The following CATSPERE variants were observed in gnomAD, a reference collection of about 807,000 sequenced individuals.
CATSPERE encodes the protein cation channel sperm-associated auxiliary subunit epsilon.
Under a neutral mutation model 114.1 loss-of-function variants are expected in CATSPERE, and 93 were observed. The observed-to-expected ratio is 0.81, with a 90% CI of 0.69 to 0.97. The LOEUF (loss-of-function observed/expected upper bound fraction) is 0.97. Ranked by LOEUF, CATSPERE falls within the 50% of genes least tolerant of loss-of-function variation. The pLI is 0.00. For missense variants in CATSPERE, 1,058 were observed against 1,131.6 expected, an observed-to-expected ratio of 0.93 and a Z score of 0.93; for synonymous variants, 341 against 384.1, an observed-to-expected ratio of 0.89 and a Z score of 1.31.
At chr1:244,489,030 A>G (rs996367745) in intron 5 of CATSPERE, among the ~76,000 whole-genome samples, 15 of 152,372 alleles carry the variant, frequency 9.8e-5, no homozygotes, top group Non-Finnish European at 2.1e-4. Flanking sequence ...ACTGACTTTT[A>G]GAGATGATAA....
At chr1:244,486,588 G>C (rs369371739) in intron 5 of CATSPERE, among the ~76,000 whole-genome samples, 43 of 101,804 alleles carry the variant, frequency 4.2e-4, no homozygotes, top group East Asian at 8.9e-4. Flanking sequence ...TAGTCACCTG[G>C]TGGGTGGTCC....
At chr1:244,453,886 G>C (rs993744592), upstream of CATSPERE, among the ~76,000 whole-genome samples, 1 of 152,086 alleles carries the variant, frequency 6.6e-6, no homozygotes, top group Non-Finnish European at 1.5e-5. Context: ...GCTCCTGGGG[G>C]GGTCTCATTT....
Position 244,552,610 on chromosome 1 carries a change from T to A in CATSPERE, c.825T>A (p.Pro275=). 1.2e-6 allele frequency: 2 copies of A among 1,614,170 alleles called. No individual in the cohort carries two copies. The highest frequency in any genetic ancestry group is 2.2e-5 in the South Asian group (2 of 91,084). Residue 275 remains proline, a synonymous_variant, in exon 9 of 22, where the codon CCT becomes CCA. Transcript: ENST00000366534. ...AATCTTGGACCAGAATCAGAGTGCC[T>A]CCAGACATTCTGAGTGATGATGAAA... ...SFKSWTRIRV[P]PDILSDDERR... is the part of the protein sequence containing the mutation.
chr1:244,542,257 T>C (rs568894964), intron 8 of CATSPERE, among the ~76,000 whole-genome samples: 1 of 151,814 alleles, frequency 6.6e-6, no homozygotes, highest in East Asian at 1.9e-4. Context: ...TTTAGCTGCA[T>C]AGGGAGTATC....
At chr1:244,621,181 T>TTATATAAATATATATATATATATTA (rs576560764) in intron 20 of CATSPERE, among the ~76,000 whole-genome samples, 2 of 44,754 alleles carry the variant, frequency 4.5e-5, no homozygotes, top group South Asian at 9.2e-4. Flanking sequence ...ATAGATATAT[T>TTATATAAATATATATATATATATTA]TATATAGATA....
In CATSPERE at chr1:244,575,331, T is replaced by C. The variant is rs991936169; in HGVS notation, c.1950+2559T>C. On this transcript the variant is annotated intron_variant, in intron 11 of 21. Transcript: ENST00000366534. This position sits in a 1 kb window ranked among gnomAD's most constrained non-coding sequence, Gnocchi z 4.5. ...TCCTCTGCTCTCCTCCTGGCACCAGTCCTTGACCTCTTCTTCCACGCAGAG... is the reference window on the plus strand; with the variant it reads ...TCCTCTGCTCTCCTCCTGGCACCAGCCCTTGACCTCTTCTTCCACGCAGAG... Among the ~76,000 whole-genome samples, 1 of 152,146 alleles carries C rather than the reference T, an allele frequency of 6.6e-6. No homozygotes were observed. The highest frequency in any genetic ancestry group is 1.9e-4 in the East Asian group (1 of 5,178).
At chr1:244,616,734 T>C (rs1348153772) in intron 19 of CATSPERE, among the ~76,000 whole-genome samples, 1 of 152,178 alleles carries the variant, frequency 6.6e-6, no homozygotes, top group African/African-American at 2.4e-5. Flanking sequence ...CATCTCAACT[T>C]TTGGGATCAA....
chr1:244,510,879 T>G (rs1675641139), intron 7 of CATSPERE, among the ~76,000 whole-genome samples: 2 of 149,274 alleles, frequency 1.3e-5, no homozygotes, highest in Non-Finnish European at 3.0e-5. Context: ...ATTTCGTTCT[T>G]GTTGCCCAGG....
At chr1:244,611,260 T>TA (rs1219322581) in intron 19 of CATSPERE, among the ~76,000 whole-genome samples, 1 of 152,118 alleles carries the variant, frequency 6.6e-6, no homozygotes, top group Non-Finnish European at 1.5e-5. Flanking sequence ...TTATAGATCA[T>TA]ATACCTATTA....
Position 244,583,911 on chromosome 1 carries a change from A to G in CATSPERE, c.2057A>G (p.Tyr686Cys), listed in dbSNP as rs1666625103. Residue 686 changes from tyrosine to cysteine, a missense_variant, in exon 13 of 22, where the codon TAT becomes TGT. Tyr to Cys is a radical substitution (Grantham distance 194). Around this residue, in one of 2 missense-constraint regions of CATSPERE, gnomAD observed 787 missense variants for 905.6 expected, o/e 0.87. Transcript: ENST00000366534. ...CTGGTTCAGTTTCGACCTAGTGAAT[A>G]TTCAAAAGCATGTCCAATAGCCCAA... ...LVLVQFRPSE[Y>C]SKACPIAQKV... 1.2e-6 allele frequency: 2 copies of G among 1,614,034 alleles called. No individual in the cohort carries two copies. Among genetic ancestry groups the G allele is most frequent in the South Asian group, 2.2e-5 (2 of 91,086 alleles).
intron 6 of CATSPERE, 22 bp downstream of exon 6, chr1:244,490,493 G>A (rs762006526): frequency 5.1e-6 from 7 of 1,379,772 alleles, no homozygotes; most frequent in Non-Finnish European, 5.1e-6. Flanking sequence ...TTTAAATTTT[G>A]TATAGCCTTC....
chr1:244,640,186 C>CG lies in CATSPERE; in HGVS notation c.*105_*106insG, dbSNP rs1363782966. ...TTGACCAAGAAATACTAAATATAAG[C>CG]TCGTAGTAGGCATCACCAAATTCAA... On this transcript the variant is annotated 3_prime_UTR_variant, in exon 22 of 22. Transcript: ENST00000366534. The CG allele has an allele frequency of 2.9e-6, 2 of 678,368 alleles. No homozygotes were observed. Among genetic ancestry groups the CG allele is most frequent in the East Asian group, 6.3e-5 (2 of 31,638 alleles). The allele number at this position is 678,368 out of a possible 1,614,324, so 42.0% of individuals were successfully genotyped here. A position where few individuals can be genotyped will look rare whatever the true frequency, so the allele number is the denominator to read the frequency against.
Position 244,572,582 on chromosome 1 carries a change from C to CCA in CATSPERE, c.1760_1761insCA (p.Phe588AsnfsTer19). ...ACAAAAGACAAATGCCCATACATGGCATTTCATAACAATGTTGCTCATGTT... is the reference window on the plus strand; with the variant it reads ...ACAAAAGACAAATGCCCATACATGGCCAATTTCATAACAATGTTGCTCATGTT... On this transcript the variant is annotated frameshift_variant, in exon 11 of 22. Coordinates refer to ENST00000366534, the MANE Select transcript of CATSPERE (RefSeq NM_001130957.2). LOFTEE classifies it high-confidence loss of function. 1 of 1,614,084 alleles carries CCA rather than the reference C, an allele frequency of 6.2e-7. No individual in the cohort carries two copies. Among genetic ancestry groups the CCA allele is most frequent in the South Asian group, 1.1e-5 (1 of 91,078 alleles).
intron 20 of CATSPERE, among the ~76,000 whole-genome samples, chr1:244,626,485 CAAAAAA>C (rs35687880): frequency 3.0e-5 from 2 of 66,878 alleles, no homozygotes; most frequent in African/African-American, 5.5e-5. Context: ...AATTCCATCT[CAAAAAA>C]AAAAAAAAAA....
chr1:244,490,330 T>C (rs1671825551), intron 5 of CATSPERE, 117 bp from the exon 6 acceptor site: 13 of 623,632 alleles, frequency 2.1e-5, no homozygotes, highest in Non-Finnish European at 3.0e-5. Flanking sequence ...TTATATACCG[T>C]AATGAAATAT....
chr1:244,564,198 T>G lies in CATSPERE; in HGVS notation c.1507+3053T>G, dbSNP rs1261128825. On this transcript the variant is annotated intron_variant, in intron 10 of 21. Coordinates refer to ENST00000366534, the MANE Select transcript of CATSPERE (RefSeq NM_001130957.2). ...AGTCAGGTAGCGTGATACCTCTAGC[T>G]TTGTTCTTTTTGTTTAGGATTGTCT... Among the ~76,000 whole-genome samples, 12 of 152,204 alleles carry G rather than the reference T, an allele frequency of 7.9e-5. No homozygotes were observed. The East Asian group carries it at 2.3e-3, about 29-fold the overall frequency.
intron 6 of CATSPERE, among the ~76,000 whole-genome samples, chr1:244,491,195 G>C (rs1426341325): frequency 1.3e-5 from 2 of 152,062 alleles, no homozygotes; most frequent in Non-Finnish European, 1.5e-5. Context: ...ATACTTGGAA[G>C]TAAAGCTCTC....
At chr1:244,512,690 A>G (rs1315327051) in intron 7 of CATSPERE, among the ~76,000 whole-genome samples, 2 of 152,142 alleles carry the variant, frequency 1.3e-5, no homozygotes, top group Non-Finnish European at 2.9e-5. Context: ...TGCATCTGGT[A>G]TAAAAGTTGC....
At chr1:244,622,520 C>G (rs1229573372) in intron 20 of CATSPERE, among the ~76,000 whole-genome samples, 1 of 151,570 alleles carries the variant, frequency 6.6e-6, no homozygotes, top group Non-Finnish European at 1.5e-5. Context: ...TCTCCTGCCT[C>G]AGCCTCCCGT....
Sources: gnomAD v4.1 joint callset for allele counts (sites outside exome capture counted in the v4.1 genomes callset) on GRCh38, gnomAD v4.1.1 for gene constraint, gnomAD v4.1.1 regional missense constraint, Gnocchi (gnomAD v3.1) non-coding constraint, MANE v1.5 for transcripts, NCBI Gene and HGNC (gene_info 2026-07-23, HGNC 2026-07-21) for gene names.